BTRC: variants seen among roughly 807,000 people sequenced by gnomAD.
The protein encoded by BTRC is beta-transducin repeat containing E3 ubiquitin protein ligase.
Under a neutral mutation model 85.5 loss-of-function variants are expected in BTRC, and 42 were observed. The ratio of observed to expected loss-of-function variants is 0.49; its 90% CI spans 0.38 to 0.64. BTRC has a LOEUF of 0.64. Ranked by LOEUF, BTRC falls within the 30% of genes least tolerant of loss-of-function variation. The probability of loss-of-function intolerance (pLI) is 0.00; values close to 1 mark genes in which losing one functional copy is unlikely to be tolerated. For missense variants in BTRC, 594 were observed against 743.5 expected, an observed-to-expected ratio of 0.80 and a Z score of 2.34; for synonymous variants, 255 against 263.3, an observed-to-expected ratio of 0.97 and a Z score of 0.30.
chr10:101,532,786 G>GTGTA (rs2062313671), intron 8 of BTRC, among the ~76,000 whole-genome samples, 166 bp from the exon 9 acceptor site: 1 of 71,840 alleles, frequency 1.4e-5, no homozygotes, highest in South Asian at 5.7e-4. Context: ...GTGTGTGTGT[G>GTGTA]TGTGCGCGTG....
chr10:101,387,528 C>CCTTTTTTTTTTTTTTTTTTTTTTT (rs1399986557), intron 1 of BTRC, among the ~76,000 whole-genome samples: 3 of 45,092 alleles, frequency 6.7e-5, no homozygotes, highest in East Asian at 1.3e-3. Context: ...CTTCATGGGA[C>CCTTTTTTTTTTTTTTTTTTTTTTT]TTTTTTTTTT....
chr10:101,382,889 A>G (rs1018362741), intron 1 of BTRC, among the ~76,000 whole-genome samples: 1 of 152,064 alleles, frequency 6.6e-6, no homozygotes, highest in Non-Finnish European at 1.5e-5. Context: ...TTGAACTTAG[A>G]CCAATTAAAG....
At chr10:101,468,723 CA>C (rs1193232664) in intron 3 of BTRC, among the ~76,000 whole-genome samples, 1 of 152,170 alleles carries the variant, frequency 6.6e-6, no homozygotes, top group Non-Finnish European at 1.5e-5. Flanking sequence ...GGCTGCTGAA[CA>C]GATTTCTAAG....
intron 6 of BTRC, 95 bp downstream of exon 6, chr10:101,526,294 C>T (rs777995345): frequency 2.2e-5 from 23 of 1,043,304 alleles, no homozygotes; most frequent in Non-Finnish European, 3.1e-5. Context: ...GACCACTTCT[C>T]ATTTAATATG....
intron 1 of BTRC, among the ~76,000 whole-genome samples, chr10:101,404,800 C>A (rs1943579668): frequency 6.6e-6 from 1 of 151,908 alleles, no homozygotes. Context: ...AGATCGAGAC[C>A]ATCCTGGCTA....
At chr10:101,357,435 TG>T (rs1206054650) in intron 1 of BTRC, among the ~76,000 whole-genome samples, 2 of 101,212 alleles carry the variant, frequency 2.0e-5, no homozygotes, top group Admixed American at 2.3e-4. Context: ...AGCGAGACTC[TG>T]TCTCAAAAAA....
intron 4 of BTRC, among the ~76,000 whole-genome samples, chr10:101,488,135 C>T (rs988345052): frequency 2.6e-5 from 4 of 152,130 alleles, no homozygotes; most frequent in Non-Finnish European, 4.4e-5. Flanking sequence ...GCCTTGTCAG[C>T]CTCCTCTCTC....
Position 101,526,148 on chromosome 10 carries a change from G to A in BTRC, c.692G>A (p.Arg231Lys), listed in dbSNP as rs1426071651. The change falls in exon 6 of 15, where the codon AGA (arginine) becomes AAA (lysine). Residue 231 changes from arginine (R) to lysine (K), a missense_variant. Arg to Lys is a conservative substitution (Grantham distance 26). Transcript: ENST00000370187. ...ATGCTGTGGAAGAAGCTTATCGAGA[G>A]AATGGTCAGGACAGATTCTCTGTGG... is the stretch of plus-strand genomic sequence containing the variant. ...DGMLWKKLIERMVRTDSLWRG... is the reference protein window; with the variant it reads ...DGMLWKKLIEKMVRTDSLWRG... 1 of 1,614,198 alleles carries A rather than the reference G, an allele frequency of 6.2e-7. No individual in the cohort carries two copies. Among genetic ancestry groups the A allele is most frequent in the Middle Eastern group, 1.6e-4 (1 of 6,062 alleles).
rs755194161 is a variant in BTRC at position 101,534,721 on chromosome 10, T to A, written c.1158T>A (p.Val386=). 1 of 1,614,164 alleles carries A rather than the reference T, an allele frequency of 6.2e-7. No individual in the cohort carries two copies. The highest frequency in any genetic ancestry group is 1.1e-5 in the South Asian group (1 of 91,082). Residue 386 remains valine, a synonymous_variant, in exon 10 of 15, where the codon GTT becomes GTA. Transcript: ENST00000370187. ...LNTLIHHCEA[V]LHLRFNNGMM... is the part of the protein sequence containing the mutation. ...CGTTGATTCACCATTGTGAAGCAGT[T>A]CTGCACTTGCGTTTCAATAATGGCA...
intron 1 of BTRC, among the ~76,000 whole-genome samples, chr10:101,376,665 C>T (rs930472896): frequency 2.0e-5 from 3 of 151,960 alleles, no homozygotes; most frequent in Admixed American, 6.6e-5. Flanking sequence ...TGTGGCTGGT[C>T]CCTCAGCTCA....
chr10:101,366,350 G>A (rs1318202927), intron 1 of BTRC, among the ~76,000 whole-genome samples: 1 of 152,100 alleles, frequency 6.6e-6, no homozygotes, highest in Non-Finnish European at 1.5e-5. Flanking sequence ...AAGATACAAA[G>A]TTGAATAAAA....
chr10:101,532,895 A>AGTCTCCACAG (rs2062320965), intron 8 of BTRC, 57 bp from the exon 9 acceptor site: 1 of 1,346,972 alleles, frequency 7.4e-7, no homozygotes, highest in Non-Finnish European at 1.1e-6. Flanking sequence ...AGGACCAACA[A>AGTCTCCACAG]GTCTCCACAG....
chr10:101,532,748 A>ATG (rs1240384646), intron 8 of BTRC, among the ~76,000 whole-genome samples: 4 of 71,414 alleles, frequency 5.6e-5, no homozygotes, highest in Admixed American at 3.5e-4. Context: ...TACTGAAGCT[A>ATG]TATGTGTGTG....
chr10:101,483,401 C>T (rs997847603), intron 4 of BTRC, among the ~76,000 whole-genome samples: 1 of 152,116 alleles, frequency 6.6e-6, no homozygotes, highest in African/African-American at 2.4e-5. Context: ...AAGACCAGCC[C>T]AACCAACATG....
chr10:101,463,194 C>A (rs965416271), intron 3 of BTRC, among the ~76,000 whole-genome samples: 1 of 152,086 alleles, frequency 6.6e-6, no homozygotes, highest in African/African-American at 2.4e-5. Flanking sequence ...TACAGGTGCC[C>A]ACTACCACAC....
At chr10:101,543,276 T>C (rs1335833142) in intron 13 of BTRC, among the ~76,000 whole-genome samples, 1 of 152,236 alleles carries the variant, frequency 6.6e-6, no homozygotes, top group Non-Finnish European at 1.5e-5. Flanking sequence ...ATGTCCTTCT[T>C]TGATGTTTAT....
intron 1 of BTRC, among the ~76,000 whole-genome samples, chr10:101,387,528 C>CTTGTTTTTTTTTTTTT (rs1943110687): frequency 2.2e-5 from 1 of 45,122 alleles, no homozygotes; most frequent in Non-Finnish European, 3.4e-5. Flanking sequence ...CTTCATGGGA[C>CTTGTTTTTTTTTTTTT]TTTTTTTTTT....
intron 1 of BTRC, among the ~76,000 whole-genome samples, chr10:101,388,656 A>AT (rs199622466): frequency 0.028 from 4,273 of 151,430 alleles, 213 homozygotes; most frequent in African/African-American, 0.095. Context: ...CGCTTGGCTA[A>AT]TTTTTTTGCA....
At chr10:101,537,679 A>G (rs936703472) in intron 12 of BTRC, among the ~76,000 whole-genome samples, 1 of 152,250 alleles carries the variant, frequency 6.6e-6, no homozygotes, top group African/African-American at 2.4e-5. Flanking sequence ...TCATTAGCCA[A>G]TGCAAGCAGC....
Sources: gnomAD v4.1 joint callset for allele counts (sites outside exome capture counted in the v4.1 genomes callset) on GRCh38, gnomAD v4.1.1 for gene constraint, MANE v1.5 for transcripts, NCBI Gene and HGNC (gene_info 2026-07-23, HGNC 2026-07-21) for gene names.